The following TMEM108 variants were observed in gnomAD, a reference collection of about 807,000 sequenced individuals.
The protein encoded by TMEM108 is cancer/testis antigen 124.
TMEM108 carries 12 observed loss-of-function variants against 35.1 expected under a neutral mutation model. The ratio of observed to expected loss-of-function variants is 0.34; its 90% CI spans 0.22 to 0.55. The LOEUF is 0.55. Among genes scored for constraint, TMEM108 ranks in the 20% least tolerant of loss-of-function variants. The pLI, the probability that TMEM108 is intolerant of heterozygous loss-of-function variation, is 0.89. For missense variants in TMEM108, 680 were observed against 753.3 expected, an observed-to-expected ratio of 0.90 and a Z score of 1.14; for synonymous variants, 287 against 308.6, an observed-to-expected ratio of 0.93 and a Z score of 0.73.
At chr3:133,265,437 C>T (rs552439408) in intron 3 of TMEM108, among the ~76,000 whole-genome samples, 2 of 152,328 alleles carry the variant, frequency 1.3e-5, no homozygotes, top group East Asian at 3.9e-4. Context: ...GGCACTAGCA[C>T]TTGCAGATAA....
chr3:133,155,392 G>A (rs1458981575), intron 2 of TMEM108, among the ~76,000 whole-genome samples: 1 of 152,096 alleles, frequency 6.6e-6, no homozygotes, highest in Non-Finnish European at 1.5e-5. Context: ...TGGGATTGCT[G>A]GGTCGAATGG....
chr3:133,258,031 TC>T (rs1275766702), intron 3 of TMEM108, among the ~76,000 whole-genome samples: 4 of 152,030 alleles, frequency 2.6e-5, no homozygotes, highest in Admixed American at 6.5e-5. Context: ...ATGTTTATGA[TC>T]CCCCCAAATT....
At chr3:133,068,910 G>T (rs968870439) in intron 2 of TMEM108, among the ~76,000 whole-genome samples, 1 of 152,086 alleles carries the variant, frequency 6.6e-6, no homozygotes, top group Non-Finnish European at 1.5e-5. Context: ...AGGCTTCCTG[G>T]GGCAGCTGTG....
chr3:133,278,352 G>A (rs1372382159), intron 3 of TMEM108, among the ~76,000 whole-genome samples: 1 of 152,210 alleles, frequency 6.6e-6, no homozygotes, highest in Non-Finnish European at 1.5e-5. Context: ...GTAAAATGGG[G>A]ACACTGGTGT....
At chr3:133,265,166 T>C (rs1036305603) in intron 3 of TMEM108, among the ~76,000 whole-genome samples, 23 of 152,242 alleles carry the variant, frequency 1.5e-4, no homozygotes, top group African/African-American at 5.5e-4. Flanking sequence ...CCGATTAGCA[T>C]AGATCTGCTA....
intron 3 of TMEM108, among the ~76,000 whole-genome samples, chr3:133,292,041 T>C (rs1013940641): frequency 1.3e-5 from 2 of 152,176 alleles, no homozygotes; most frequent in Admixed American, 1.3e-4. Flanking sequence ...ATTTAGTACA[T>C]TTGGGATGAG....
chr3:133,389,510 C>A, intron 4 of TMEM108: 1 of 494,464 alleles, frequency 2.0e-6, no homozygotes, highest in Non-Finnish European at 2.6e-6. Flanking sequence ...ATGGCAAAAC[C>A]CTGTCTCTAC....
intron 3 of TMEM108, among the ~76,000 whole-genome samples, chr3:133,290,750 C>T (rs1330200230): frequency 1.3e-5 from 2 of 151,992 alleles, no homozygotes; most frequent in African/African-American, 4.8e-5. Flanking sequence ...AATGAAAAAG[C>T]AAAAGAAAAT....
intron 2 of TMEM108, among the ~76,000 whole-genome samples, chr3:133,093,272 T>A (rs1023342345): frequency 2.6e-5 from 4 of 152,302 alleles, no homozygotes; most frequent in African/African-American, 9.6e-5. Flanking sequence ...ATTACAGGCG[T>A]GAGCCACCGC....
chr3:133,254,986 G>GC (rs1946525105), intron 3 of TMEM108, among the ~76,000 whole-genome samples: 1 of 152,208 alleles, frequency 6.6e-6, no homozygotes. Context: ...CCCAAATGTG[G>GC]CCTCTCCATG....
intron 2 of TMEM108, among the ~76,000 whole-genome samples, chr3:133,226,171 G>A (rs1175007127): frequency 6.6e-6 from 1 of 152,198 alleles, no homozygotes; most frequent in Non-Finnish European, 1.5e-5. Flanking sequence ...GAGTGTCTGG[G>A]TTAAGATAAT....
chr3:133,379,951 C>T lies in TMEM108; in HGVS notation c.240C>T (p.Pro80=). 1 of 1,613,916 alleles carries T rather than the reference C, an allele frequency of 6.2e-7. No individual in the cohort carries two copies. Among genetic ancestry groups the T allele is most frequent in the East Asian group, 2.2e-5 (1 of 44,850 alleles). The change falls in exon 4 of 6, where the codon CCC becomes CCT. Residue 80 remains proline (P), a synonymous_variant. Transcript: ENST00000321871. ...GACCCCCCTCACAGGCTGCAGCTCC[C>T]ATGGCAACACCGACACCCCGTGCAG... is the stretch of plus-strand genomic sequence containing the variant. The part of the protein sequence containing the change: ...PDGPPSQAAA[P]MATPTPRAEG...
rs74882347 is a variant in TMEM108 at position 133,271,176 on chromosome 3, A to G, written c.40+41825A>G. ...CATCCCCAAGGGGCCAAAATGGACA[A>G]TTGTAGAGACCAGGCAAGACTCAGC... On this transcript the variant is annotated intron_variant, in intron 3 of 5. Coordinates refer to ENST00000321871, the MANE Select transcript of TMEM108 (RefSeq NM_023943.4). 1.8e-4 allele frequency among the ~76,000 whole-genome samples: 27 copies of G among 152,246 alleles called. No individual in the cohort carries two copies. In the East Asian group the frequency reaches 5.0e-3, roughly 28 times the overall value.
Position 133,122,862 on chromosome 3 carries a change from CAA to C in TMEM108, c.-47+76860_-47+76861del, listed in dbSNP as rs11375073. On this transcript the variant is annotated intron_variant, in intron 2 of 5. Transcript: ENST00000321871. ...TGGGCAACAGAGCGAGACTCCATCT[CAA>C]AAAAAAAAAAAAAAAAATTGGTCAA... 5.6e-3 allele frequency among the ~76,000 whole-genome samples: 585 copies of C among 104,350 alleles called. 8 individuals carry two copies. The highest frequency in any genetic ancestry group is 0.04 in the East Asian group (142 of 3,570). The allele number at this position is 104,350 out of a possible 152,430, so 68.5% of individuals were successfully genotyped here. A position where few individuals can be genotyped will look rare whatever the true frequency, so the allele number is the denominator to read the frequency against.
intron 2 of TMEM108, among the ~76,000 whole-genome samples, chr3:133,073,909 A>T (rs1430843770): frequency 6.6e-6 from 1 of 151,984 alleles, no homozygotes; most frequent in Non-Finnish European, 1.5e-5. Flanking sequence ...ATGATTAGTA[A>T]TGTAGAATAT....
At chr3:133,151,075 T>G (rs137930747) in intron 2 of TMEM108, among the ~76,000 whole-genome samples, 3 of 152,274 alleles carry the variant, frequency 2.0e-5, no homozygotes, top group African/African-American at 7.2e-5. Context: ...TTTTATTCCT[T>G]TAGCTCTCCT....
intron 2 of TMEM108, among the ~76,000 whole-genome samples, chr3:133,069,120 A>G (rs1453683000): frequency 6.6e-6 from 1 of 152,202 alleles, no homozygotes; most frequent in Non-Finnish European, 1.5e-5. Flanking sequence ...AGATGGCACC[A>G]CCAGTAGAAT....
At chr3:133,304,900 A>G (rs1157110020) in intron 3 of TMEM108, among the ~76,000 whole-genome samples, 1 of 152,040 alleles carries the variant, frequency 6.6e-6, no homozygotes, top group African/African-American at 2.4e-5. Flanking sequence ...TGACCAACAT[A>G]GAGAAACCTT....
chr3:133,179,297 C>T (rs908947995), intron 2 of TMEM108, among the ~76,000 whole-genome samples: 9 of 152,154 alleles, frequency 5.9e-5, no homozygotes, highest in Non-Finnish European at 7.3e-5. Flanking sequence ...CCAGCCATCC[C>T]ATTACTGGGT....
Sources: allele counts gnomAD v4.1 joint callset (sites outside exome capture counted in the v4.1 genomes callset), GRCh38; gene constraint gnomAD v4.1.1; transcripts MANE v1.5; gene names NCBI Gene and HGNC (gene_info 2026-07-23, HGNC 2026-07-21).